Variants in CAPN5 observed in about 807,000 individuals in gnomAD.
The protein encoded by CAPN5 is calpain-5.
Under a neutral mutation model 73.0 loss-of-function variants are expected in CAPN5, and 54 were observed. That is an observed-to-expected ratio of 0.74 (90% CI 0.59 to 0.93). The LOEUF (loss-of-function observed/expected upper bound fraction) is 0.93. Among genes scored for constraint, CAPN5 ranks in the 40% least tolerant of loss-of-function variants. The pLI is 0.00. For missense variants in CAPN5, 785 were observed against 882.9 expected, an observed-to-expected ratio of 0.89 and a Z score of 1.41; for synonymous variants, 335 against 356.9, an observed-to-expected ratio of 0.94 and a Z score of 0.69.
chr11:77,069,223 G>T (rs1555032637), intron 1 of CAPN5, among the ~76,000 whole-genome samples: 1 of 152,170 alleles, frequency 6.6e-6, no homozygotes, highest in Non-Finnish European at 1.5e-5. Context: ...GATAAATGCT[G>T]CCTATTCACA....
intron 3 of CAPN5, among the ~76,000 whole-genome samples, chr11:77,103,725 C>T (rs1055217634): frequency 2.0e-5 from 3 of 152,038 alleles, no homozygotes; most frequent in Non-Finnish European, 4.4e-5. Flanking sequence ...CCACTTCCTC[C>T]AGAGTCAGGG....
rs374567319 is a variant in CAPN5, at chr11:77,119,176, C to T, written c.1290+24C>T. 1.5e-5 allele frequency: 24 copies of T among 1,595,022 alleles called. No homozygotes were observed. In the South Asian group the frequency reaches 1.6e-4, roughly 11 times the overall value. ...AGGTGAGGCCAGCCGGGTCCCCTGC[C>T]GTGGGTGGGGAGAGGGAGGGAGCTG... On this transcript the variant is annotated intron_variant, in intron 9 of 12. Transcript: ENST00000648180.
At chr11:77,109,300 A>G (rs1950386684) in intron 3 of CAPN5, among the ~76,000 whole-genome samples, 2 of 152,084 alleles carry the variant, frequency 1.3e-5, no homozygotes, top group South Asian at 4.2e-4. Context: ...CCAGTTCAAG[A>G]CTTCCCTCCA....
At chr11:77,095,603 C>T (rs943251281) in intron 3 of CAPN5, among the ~76,000 whole-genome samples, 11 of 152,192 alleles carry the variant, frequency 7.2e-5, no homozygotes, top group Non-Finnish European at 1.3e-4. Flanking sequence ...GCCCCACGGT[C>T]GGCCTTGCTC....
intron 1 of CAPN5, among the ~76,000 whole-genome samples, chr11:77,081,516 G>T (rs1555034602): frequency 6.6e-6 from 1 of 152,228 alleles, no homozygotes; most frequent in African/African-American, 2.4e-5. Context: ...GCCTGAGACT[G>T]TCAGTCCTCA....
intron 1 of CAPN5, chr11:77,072,913 G>A (rs1216071006): frequency 1.4e-5 from 5 of 360,266 alleles, no homozygotes; most frequent in Admixed American, 7.0e-5. Context: ...GCCAGAGAGG[G>A]CAGGAGCTTT....
At chr11:77,076,080 G>A (rs780505462) in intron 1 of CAPN5, among the ~76,000 whole-genome samples, 1 of 152,004 alleles carries the variant, frequency 6.6e-6, no homozygotes, top group Non-Finnish European at 1.5e-5. Flanking sequence ...ATCTACTCTC[G>A]GCCGGGCGCA....
At chr11:77,114,818 C>T (rs999091129) in intron 5 of CAPN5, among the ~76,000 whole-genome samples, 3 of 152,160 alleles carry the variant, frequency 2.0e-5, no homozygotes, top group African/African-American at 7.2e-5. Context: ...TAAAAAGCCC[C>T]GGTTTGTAGC....
At chr11:77,098,842 T>C (rs1950248165) in intron 3 of CAPN5, among the ~76,000 whole-genome samples, 1 of 137,186 alleles carries the variant, frequency 7.3e-6, no homozygotes, top group African/African-American at 2.9e-5. Flanking sequence ...CCCCCCCACC[T>C]CCCTCCCGGA....
rs948973 is a variant in CAPN5 at position 77,075,131 on chromosome 11, G to A, written c.-36+8037G>A. Among the ~76,000 whole-genome samples, 117 of 152,030 alleles carry A rather than the reference G, an allele frequency of 7.7e-4. 2 individuals are homozygous for A. The highest frequency in any genetic ancestry group is 1.3e-3 in the Non-Finnish European group (85 of 67,978). ...CCATCACCTTAGGATGAAGCCACAC[G>A]CTGCACATGGCATCCCGGGGCCTCT... is the stretch of plus-strand genomic sequence containing the variant. On this transcript the variant is annotated intron_variant, in intron 1 of 12. Coordinates refer to ENST00000648180, the MANE Select transcript of CAPN5 (RefSeq NM_004055.5).
chr11:77,116,290 G>A lies in CAPN5; in HGVS notation c.958G>A (p.Asp320Asn), dbSNP rs782282556. ...REKMGVTVQD[D>N]GEFWMTFEDV... ...GAAGATGGGTGTGACCGTGCAGGACGACGGTGAGTTCTGGTGAGTGTGTAT... is the reference window on the plus strand; with the variant it reads ...GAAGATGGGTGTGACCGTGCAGGACAACGGTGAGTTCTGGTGAGTGTGTAT... Residue 320 changes from aspartate to asparagine, a missense_variant, in exon 7 of 13, where the codon GAC becomes AAC. Transcript: ENST00000648180. The A allele has an allele frequency of 1.4e-5, 22 of 1,613,354 alleles. No homozygotes were observed. Among genetic ancestry groups the A allele is most frequent in the Non-Finnish European group, 1.9e-5 (22 of 1,179,660 alleles).
intron 3 of CAPN5, among the ~76,000 whole-genome samples, chr11:77,104,445 G>A (rs939447349): frequency 3.9e-5 from 6 of 152,170 alleles, no homozygotes; most frequent in Non-Finnish European, 5.9e-5. Flanking sequence ...CAGTTACGAC[G>A]GCTGATAGTC....
At chr11:77,069,442 A>T (rs1200096562) in intron 1 of CAPN5, among the ~76,000 whole-genome samples, 1 of 152,138 alleles carries the variant, frequency 6.6e-6, no homozygotes, top group Non-Finnish European at 1.5e-5. Context: ...TCTTGGCTTT[A>T]GTGGGTGAAG....
intron 3 of CAPN5, among the ~76,000 whole-genome samples, chr11:77,111,601 A>C (rs1273905133): frequency 1.3e-5 from 2 of 152,232 alleles, no homozygotes; most frequent in African/African-American, 4.8e-5. Flanking sequence ...GAATTCATTC[A>C]TTCAGTCAAT....
intron 3 of CAPN5, among the ~76,000 whole-genome samples, chr11:77,096,873 T>G (rs1255474892): frequency 6.6e-6 from 1 of 151,266 alleles, no homozygotes; most frequent in Non-Finnish European, 1.5e-5. Flanking sequence ...TAGGAGGGAG[T>G]GTTGGGGTGA....
intron 3 of CAPN5, chr11:77,103,034 C>G: frequency 6.2e-7 from 1 of 1,613,572 alleles, no homozygotes; most frequent in Non-Finnish European, 8.5e-7. Context: ...GGCTACAGTT[C>G]GAGCGCTGGA....
intron 2 of CAPN5, 99 bp from the exon 3 acceptor site, chr11:77,093,583 A>AGTAC (rs782671465): frequency 4.9e-6 from 7 of 1,438,690 alleles, no homozygotes; most frequent in Non-Finnish European, 5.6e-6. Flanking sequence ...TCACACAGCA[A>AGTAC]GTCTGTGTCT....
At chr11:77,108,577 C>T (rs1019616873) in intron 3 of CAPN5, among the ~76,000 whole-genome samples, 1 of 152,048 alleles carries the variant, frequency 6.6e-6, no homozygotes, top group African/African-American at 2.4e-5. Flanking sequence ...GAGAGGGTAG[C>T]GAGCACAGCC....
intron 11 of CAPN5, 141 bp from the exon 12 acceptor site, chr11:77,122,435 C>T (rs1555042983): frequency 7.0e-6 from 5 of 714,028 alleles, no homozygotes; most frequent in East Asian, 5.4e-5. Context: ...TCTCTGGAAA[C>T]GAAGGGGCCC....
Sources: gnomAD v4.1 joint callset for allele counts (sites outside exome capture counted in the v4.1 genomes callset) on GRCh38, gnomAD v4.1.1 for gene constraint, MANE v1.5 for transcripts, NCBI Gene and HGNC (gene_info 2026-07-23, HGNC 2026-07-21) for gene names.